NLN: variants seen among roughly 807,000 people sequenced by gnomAD.
The protein encoded by NLN is neurolysin, mitochondrial.
A neutral mutation model predicts 79.9 loss-of-function variants in NLN; 64 were observed. That is an observed-to-expected ratio of 0.80 (90% CI 0.65 to 0.99). The LOEUF (loss-of-function observed/expected upper bound fraction) is 0.99, where lower values mean the gene tolerates loss of function less well. NLN is among the 50% of genes least tolerant of loss of function. The pLI is 0.00. For missense variants in NLN, 835 were observed against 858.7 expected, an observed-to-expected ratio of 0.97 and a Z score of 0.34; for synonymous variants, 267 against 296.6, an observed-to-expected ratio of 0.90 and a Z score of 1.02.
At chr5:65,797,659 T>A (rs1357106486) in intron 9 of NLN, among the ~76,000 whole-genome samples, 6 of 152,220 alleles carry the variant, frequency 3.9e-5, no homozygotes, top group African/African-American at 1.4e-4. Context: ...CAAGCATATG[T>A]GAAAAGGCAT....
intron 11 of NLN, among the ~76,000 whole-genome samples, chr5:65,811,061 G>A (rs977610105): frequency 6.6e-6 from 1 of 152,218 alleles, no homozygotes; most frequent in African/African-American, 2.4e-5. Context: ...CATTTGACTA[G>A]CAGTTTGTAA....
Position 65,818,014 on chromosome 5 carries a change from C to T in NLN, c.1981-4767C>T, listed in dbSNP as rs559135214. Among the ~76,000 whole-genome samples, 6 of 152,328 alleles carry T rather than the reference C, an allele frequency of 3.9e-5. No homozygotes were observed. In the South Asian group the frequency reaches 1.2e-3, roughly 32 times the overall value. On this transcript the variant is annotated intron_variant, in intron 12 of 12. Transcript: ENST00000380985. ...ACAGCTGATTTTTCTTATAACTGAA[C>T]CTTTTCTAGTAGCCTCAGGTTTCGC...
At position 65,788,180 on chromosome 5, in the gene NLN, A is replaced by G. The variant is rs1382837791; in HGVS notation, c.1021A>G (p.Lys341Glu). The G allele has an allele frequency of 1.6e-5, 26 of 1,614,138 alleles. No individual in the cohort carries two copies. The highest frequency in any genetic ancestry group is 2.1e-5 in the Non-Finnish European group (25 of 1,179,960). Reference sequence around the variant, plus strand: ...AGAACGAGAGTTTATTTTGAATTTGAAGAAAAAGGAATGCAAAGACAGGGG... The same window carrying G: ...AGAACGAGAGTTTATTTTGAATTTGGAGAAAAAGGAATGCAAAGACAGGGG... ...EAEREFILNL[K>E]KKECKDRGFE... The change falls in exon 8 of 13, where the codon AAG becomes GAG. Residue 341 changes from lysine (K) to glutamate (E), a missense_variant. By Grantham distance (56) the Lys-to-Glu change is moderately conservative (BLOSUM62 1). Coordinates refer to ENST00000380985, the MANE Select transcript of NLN (RefSeq NM_020726.5).
chr5:65,787,538 A>G (rs868201434), intron 7 of NLN, among the ~76,000 whole-genome samples: 14 of 152,208 alleles, frequency 9.2e-5, no homozygotes, highest in African/African-American at 3.4e-4. Flanking sequence ...CAAATACAGT[A>G]AAGTGAAAAA....
intron 1 of NLN, among the ~76,000 whole-genome samples, chr5:65,734,804 A>G (rs1036476161): frequency 1.3e-5 from 2 of 152,234 alleles, no homozygotes; most frequent in East Asian, 3.8e-4. Context: ...TCAGGGCTAC[A>G]TAGATCTAAC....
intron 12 of NLN, among the ~76,000 whole-genome samples, chr5:65,820,123 A>G (rs1435711804): frequency 6.6e-6 from 1 of 152,160 alleles, no homozygotes; most frequent in Non-Finnish European, 1.5e-5. Context: ...TTTCTTTACT[A>G]CCTAAAATTA....
At chr5:65,796,396 T>C (rs190618826) in intron 9 of NLN, among the ~76,000 whole-genome samples, 1 of 152,314 alleles carries the variant, frequency 6.6e-6, no homozygotes, top group East Asian at 1.9e-4. Flanking sequence ...TACTCTGACA[T>C]TTTAGAGCTG....
At chr5:65,728,616 A>G (rs765443713) in intron 1 of NLN, among the ~76,000 whole-genome samples, 60 of 152,194 alleles carry the variant, frequency 3.9e-4, no homozygotes, top group Non-Finnish European at 1.6e-4. Context: ...ACCAACATTG[A>G]GCATTTTAAT....
In NLN at chr5:65,828,446, T is replaced by G. The variant is rs1246245179; in HGVS notation, c.*5531T>G. On this transcript the variant is annotated 3_prime_UTR_variant, in exon 13 of 13. Coordinates refer to ENST00000380985, the MANE Select transcript of NLN (RefSeq NM_020726.5). Reference sequence around the variant, plus strand: ...TTCTCAAAAGAAAAATAAAAAAGAATTAGGGAAGTTCAGTCTGGAGATAAT... The same window carrying G: ...TTCTCAAAAGAAAAATAAAAAAGAAGTAGGGAAGTTCAGTCTGGAGATAAT... The G allele has an allele frequency of 1.3e-5, 2 of 152,174 alleles. No homozygotes were observed. The highest frequency in any genetic ancestry group is 4.8e-5 in the African/African-American group (2 of 41,438). The allele number at this position is 152,174 out of a possible 1,614,324, so 9.4% of individuals were successfully genotyped here.
chr5:65,759,933 G>T (rs1759305160), intron 2 of NLN, among the ~76,000 whole-genome samples: 1 of 152,110 alleles, frequency 6.6e-6, no homozygotes. Context: ...CAAGTTATAA[G>T]GAGTGAAGAT....
intron 9 of NLN, among the ~76,000 whole-genome samples, chr5:65,797,585 T>C (rs1391953861): frequency 2.6e-5 from 4 of 152,222 alleles, no homozygotes; most frequent in Non-Finnish European, 5.9e-5. Context: ...CTCATTTTTC[T>C]TATTCAGAAA....
intron 1 of NLN, among the ~76,000 whole-genome samples, chr5:65,757,048 T>C (rs922447636): frequency 1.3e-5 from 2 of 152,210 alleles, no homozygotes; most frequent in African/African-American, 2.4e-5. Flanking sequence ...CTCATCTCAG[T>C]GTAGTATAAT....
chr5:65,810,906 G>T (rs1199584379), intron 11 of NLN, among the ~76,000 whole-genome samples: 1 of 152,132 alleles, frequency 6.6e-6, no homozygotes, highest in African/African-American at 2.4e-5. Context: ...TGAGCCTGGG[G>T]AGGTTAAGCC....
intron 1 of NLN, chr5:65,722,710 G>T: frequency 2.3e-6 from 1 of 439,518 alleles, no homozygotes; most frequent in Non-Finnish European, 4.1e-6. Flanking sequence ...CAAATAGTTT[G>T]GATAAGAAAA....
chr5:65,785,951 C>T, intron 7 of NLN, 41 bp downstream of exon 7: 1 of 1,588,198 alleles, frequency 6.3e-7, no homozygotes, highest in Non-Finnish European at 8.6e-7. Flanking sequence ...TTTGCTATAC[C>T]ATGTCAACCA....
At chr5:65,727,264 TCAAA>T (rs1213335420) in intron 1 of NLN, among the ~76,000 whole-genome samples, 1 of 152,168 alleles carries the variant, frequency 6.6e-6, no homozygotes, top group African/African-American at 2.4e-5. Flanking sequence ...AACTCTGGTT[TCAAA>T]CAATCCTCCC....
intron 2 of NLN, among the ~76,000 whole-genome samples, chr5:65,762,104 T>G (rs980944351): frequency 6.6e-6 from 1 of 152,182 alleles, no homozygotes; most frequent in African/African-American, 2.4e-5. Flanking sequence ...GGAACCACCT[T>G]TAATATGTGA....
intron 1 of NLN, among the ~76,000 whole-genome samples, chr5:65,741,341 T>A (rs960365054): frequency 1.3e-5 from 2 of 152,246 alleles, no homozygotes; most frequent in African/African-American, 4.8e-5. Flanking sequence ...GCATTCAATC[T>A]GTAGATCACT....
At chr5:65,809,474 C>A in intron 9 of NLN, 41 bp from the exon 10 acceptor site, 2 of 1,520,236 alleles carry the variant, frequency 1.3e-6, no homozygotes, top group South Asian at 1.3e-5. Context: ...TATGTACTTT[C>A]ATTGAGTTCT....
Sources: gnomAD v4.1 joint callset for allele counts (sites outside exome capture counted in the v4.1 genomes callset) on GRCh38, gnomAD v4.1.1 for gene constraint, MANE v1.5 for transcripts, NCBI Gene and HGNC (gene_info 2026-07-23, HGNC 2026-07-21) for gene names.